Variants in SGCZ observed in about 807,000 individuals in gnomAD.
The protein encoded by SGCZ is zeta-sarcoglycan.
In SGCZ, 40 loss-of-function variants were observed where a neutral mutation model predicts 41.3. The observed-to-expected ratio is 0.97, with a 90% confidence interval of 0.75 to 1.26. The LOEUF is 1.26. SGCZ is among the 50% of genes most tolerant of loss of function. The pLI is 0.00. For synonymous variants in SGCZ, 206 were observed against 137.5 expected, an observed-to-expected ratio of 1.50 and a Z score of -3.49; for missense variants, 552 against 369.8, an observed-to-expected ratio of 1.49 and a Z score of -4.04.
At chr8:15,224,116 A>G (rs957229608) in intron 1 of SGCZ, among the ~76,000 whole-genome samples, 2 of 152,176 alleles carry the variant, frequency 1.3e-5, no homozygotes, top group Non-Finnish European at 2.9e-5. Context: ...TTCGCCTCCC[A>G]AAGTGCTGGG....
At chr8:14,411,237 T>C (rs1426059363) in intron 2 of SGCZ, among the ~76,000 whole-genome samples, 1 of 152,118 alleles carries the variant, frequency 6.6e-6, no homozygotes, top group Non-Finnish European at 1.5e-5. Flanking sequence ...CTACAACTCT[T>C]ACATAGTATG....
intron 1 of SGCZ, among the ~76,000 whole-genome samples, chr8:14,982,031 T>C (rs1801678942): frequency 6.6e-6 from 1 of 151,878 alleles, no homozygotes; most frequent in Non-Finnish European, 1.5e-5. Context: ...ATGCCTGTAA[T>C]ACCAGCTACT....
At chr8:15,167,925 G>A (rs979795597) in intron 1 of SGCZ, among the ~76,000 whole-genome samples, 6 of 152,148 alleles carry the variant, frequency 3.9e-5, no homozygotes, top group African/African-American at 1.4e-4. Context: ...CAGGTCATGG[G>A]AATAAATAGG....
intron 1 of SGCZ, among the ~76,000 whole-genome samples, chr8:14,884,253 G>C (rs1236406881): frequency 1.3e-5 from 2 of 152,040 alleles, no homozygotes; most frequent in Non-Finnish European, 2.9e-5. Flanking sequence ...CCTTCCCTTA[G>C]TGCCAAAGTG....
intron 2 of SGCZ, among the ~76,000 whole-genome samples, chr8:14,506,537 C>T (rs1182601122): frequency 2.0e-5 from 3 of 152,084 alleles, no homozygotes; most frequent in African/African-American, 2.4e-5. Context: ...TTCCACATCC[C>T]TTTTCATGTA....
At chr8:14,369,701 G>C (rs976568171) in intron 2 of SGCZ, among the ~76,000 whole-genome samples, 1 of 151,826 alleles carries the variant, frequency 6.6e-6, no homozygotes, top group Non-Finnish European at 1.5e-5. Flanking sequence ...GTTACAAAAA[G>C]TAATGATTTT....
intron 1 of SGCZ, among the ~76,000 whole-genome samples, chr8:15,064,113 C>A (rs1805036943): frequency 6.6e-6 from 1 of 152,068 alleles, no homozygotes; most frequent in Admixed American, 6.5e-5. Flanking sequence ...AAGTTCTTGT[C>A]TCTTTCTTCA....
intron 1 of SGCZ, among the ~76,000 whole-genome samples, chr8:14,762,547 A>G (rs1268129103): frequency 6.6e-6 from 1 of 152,234 alleles, no homozygotes; most frequent in Non-Finnish European, 1.5e-5. Context: ...TTTATTACAC[A>G]AAATTGCTGA....
intron 1 of SGCZ, among the ~76,000 whole-genome samples, chr8:14,699,733 T>C (rs1193334351): frequency 1.3e-5 from 2 of 151,918 alleles, no homozygotes; most frequent in Non-Finnish European, 2.9e-5. Context: ...AAAGGTCTAA[T>C]ATCCAGAACC....
intron 1 of SGCZ, among the ~76,000 whole-genome samples, chr8:14,702,754 TAGATAGATAGATAGATAGATAGATAGAC>T (rs1360199553): frequency 6.1e-5 from 8 of 130,084 alleles, no homozygotes; most frequent in South Asian, 5.3e-4. Context: ...GATAGATAGA[TAGATAGATAGATAGATAGATAGATAGAC>T]AGACAGACAG....
At chr8:14,836,141 C>G (rs911048699) in intron 1 of SGCZ, among the ~76,000 whole-genome samples, 1 of 152,024 alleles carries the variant, frequency 6.6e-6, no homozygotes, top group African/African-American at 2.4e-5. Context: ...CCCCTCCCAC[C>G]TGATCATCAG....
chr8:15,216,471 G>T (rs186349659), intron 1 of SGCZ, among the ~76,000 whole-genome samples: 26 of 151,872 alleles, frequency 1.7e-4, no homozygotes, highest in Non-Finnish European at 2.9e-4. Context: ...CTGCCCACCT[G>T]GGGCTCCCAA....
chr8:15,195,690 G>T (rs1211851334), intron 1 of SGCZ, among the ~76,000 whole-genome samples: 1 of 152,082 alleles, frequency 6.6e-6, no homozygotes, highest in Non-Finnish European at 1.5e-5. Flanking sequence ...ACTCTGAAAT[G>T]TTGCCATTTG....
intron 1 of SGCZ, among the ~76,000 whole-genome samples, chr8:14,620,681 T>G (rs1806255645): frequency 6.6e-6 from 1 of 152,196 alleles, no homozygotes; most frequent in Admixed American, 6.5e-5. Context: ...AACAGACACA[T>G]GAAAAAATGC....
At chr8:14,392,280 C>T (rs1206915939) in intron 2 of SGCZ, among the ~76,000 whole-genome samples, 1 of 152,086 alleles carries the variant, frequency 6.6e-6, no homozygotes, top group African/African-American at 2.4e-5. Flanking sequence ...GAAATTTTTT[C>T]TCATATTGTA....
At chr8:14,732,327 A>G (rs1798888188) in intron 1 of SGCZ, among the ~76,000 whole-genome samples, 1 of 151,982 alleles carries the variant, frequency 6.6e-6, no homozygotes, top group Admixed American at 6.6e-5. Context: ...CTGGGTGTGG[A>G]CTCTCTGACC....
At chr8:14,099,831 C>A (rs1448147611) in intron 7 of SGCZ, among the ~76,000 whole-genome samples, 2 of 152,150 alleles carry the variant, frequency 1.3e-5, no homozygotes, top group Non-Finnish European at 2.9e-5. Context: ...CATACAATTA[C>A]AATTCATGTT....
chr8:15,195,158 TAA>T (rs1228354541), intron 1 of SGCZ, among the ~76,000 whole-genome samples: 2 of 152,204 alleles, frequency 1.3e-5, no homozygotes, highest in African/African-American at 4.8e-5. Context: ...GTCTCTAATC[TAA>T]GTCTTATCTA....
intron 1 of SGCZ, among the ~76,000 whole-genome samples, chr8:15,134,514 T>C (rs1585598882): frequency 6.6e-6 from 1 of 152,266 alleles, no homozygotes; most frequent in East Asian, 1.9e-4. Flanking sequence ...GCATTTTTTT[T>C]CCTTTTATAT....
Sources: allele counts gnomAD v4.1 joint callset (sites outside exome capture counted in the v4.1 genomes callset), GRCh38; gene constraint gnomAD v4.1.1; transcripts MANE v1.5; gene names NCBI Gene and HGNC (gene_info 2026-07-23, HGNC 2026-07-21).